The following PCDHGA12 variants were observed in gnomAD, a reference collection of about 807,000 sequenced individuals.
PCDHGA12 encodes protocadherin gamma subfamily A, 12, also known as protocadherin gamma-A12.
A neutral mutation model predicts 61.1 loss-of-function variants in PCDHGA12; 43 were observed. The observed-to-expected ratio is 0.70, with a 90% CI of 0.55 to 0.91. PCDHGA12 has a LOEUF of 0.91. Among genes scored for constraint, PCDHGA12 ranks in the 40% least tolerant of loss-of-function variants. The probability of loss-of-function intolerance (pLI) is 0.00; values close to 1 mark genes in which losing one functional copy is unlikely to be tolerated. For missense variants in PCDHGA12, 1,236 were observed against 1,227.7 expected (o/e 1.01, Z -0.10); for synonymous variants, 520 against 542.9 (o/e 0.96, Z 0.59).
intron 1 of PCDHGA12, chr5:141,478,597 C>T: frequency 6.4e-7 from 1 of 1,567,010 alleles, no homozygotes; most frequent in Non-Finnish European, 8.7e-7. Flanking sequence ...TTTATTCCTA[C>T]ATCATATTGA....
intron 1 of PCDHGA12, among the ~76,000 whole-genome samples, chr5:141,461,536 T>C (rs1424913303): frequency 1.3e-5 from 2 of 152,240 alleles, no homozygotes; most frequent in Non-Finnish European, 2.9e-5. Context: ...TTCTGGATAC[T>C]AGTCCTTTGT....
intron 1 of PCDHGA12, among the ~76,000 whole-genome samples, chr5:141,473,785 A>G (rs1240342191): frequency 6.6e-6 from 1 of 152,226 alleles, no homozygotes; most frequent in Non-Finnish European, 1.5e-5. Context: ...TTAATTCAAG[A>G]GCAGTATGAT....
At position 141,511,238 on chromosome 5, in the gene PCDHGA12, G is replaced by A; in HGVS notation, c.*65G>A. ...CAACCAGCCCAGCTTCTCCTTACCT[G>A]CACCCAGGCCTCAGAGTTTCAGGGC... On this transcript the variant is annotated 3_prime_UTR_variant, in exon 4 of 4. Coordinates refer to ENST00000252085, the MANE Select transcript of PCDHGA12 (RefSeq NM_003735.3). 6.3e-7 allele frequency: 1 copy of A among 1,589,142 alleles called. No homozygotes were observed. The highest frequency in any genetic ancestry group is 2.3e-5 in the East Asian group (1 of 43,302).
intron 1 of PCDHGA12, among the ~76,000 whole-genome samples, chr5:141,460,801 ATATGTATG>A (rs2098998171): frequency 6.6e-6 from 1 of 152,010 alleles, no homozygotes; most frequent in Non-Finnish European, 1.5e-5. Context: ...CAAAGTATAT[ATATGTATG>A]TATACATATA....
At position 141,491,121 on chromosome 5, in the gene PCDHGA12, G is replaced by T. The variant is rs1176877834; in HGVS notation, c.2425-3686G>T. On this transcript the variant is annotated intron_variant, in intron 1 of 3. Transcript: ENST00000252085. The surrounding 1 kb of genome is among the most constrained non-coding windows in gnomAD (Gnocchi z 6.9). ...TCCTCGTGTCTACACACACTGGTGA[G>T]GTGCGCACAGCCCGGGCCTTACTGG... 5 of 1,614,200 alleles carry T rather than the reference G, an allele frequency of 3.1e-6. No individual in the cohort carries two copies. In the South Asian group the frequency reaches 5.5e-5, roughly 18 times the overall value.
chr5:141,470,871 T>C (rs1036871133), intron 1 of PCDHGA12, among the ~76,000 whole-genome samples: 1 of 151,822 alleles, frequency 6.6e-6, no homozygotes, highest in Admixed American at 6.6e-5. Flanking sequence ...TGTTTGTTTG[T>C]TTTTTTGTTT....
chr5:141,441,280 G>A (rs2098237221), intron 1 of PCDHGA12: 1 of 152,090 alleles, frequency 6.6e-6, no homozygotes, highest in East Asian at 1.9e-4. Flanking sequence ...GGGAGAAAAC[G>A]AGGTCACATG....
At chr5:141,473,974 C>A (rs958240236) in intron 1 of PCDHGA12, among the ~76,000 whole-genome samples, 1 of 152,054 alleles carries the variant, frequency 6.6e-6, no homozygotes, top group Non-Finnish European at 1.5e-5. Flanking sequence ...AAGTCTGAGG[C>A]GGGAGGATCC....
chr5:141,501,419 C>A (rs910783867), intron 2 of PCDHGA12, among the ~76,000 whole-genome samples: 1 of 151,920 alleles, frequency 6.6e-6, no homozygotes, highest in Non-Finnish European at 1.5e-5. Flanking sequence ...AAATAGTTGA[C>A]TAAATGTAGT....
At position 141,435,341 on chromosome 5, in the gene PCDHGA12, C is replaced by T. The variant is rs73794903; in HGVS notation, c.2424+2158C>T. 9.3e-3 allele frequency among the ~76,000 whole-genome samples: 1,412 copies of T among 152,206 alleles called. 25 individuals carry two copies. Among genetic ancestry groups the T allele is most frequent in the African/African-American group, 0.032 (1,313 of 41,532 alleles). On this transcript the variant is annotated intron_variant, in intron 1 of 3. Coordinates refer to ENST00000252085, the MANE Select transcript of PCDHGA12 (RefSeq NM_003735.3). ...ACTTCCAAATATAGTGAATTTATTT[C>T]TTCTGCATTTAAAATTTTATCACTT...
rs756466649 is a variant in PCDHGA12, at chr5:141,495,663, G to A, written c.2483+798G>A. 1.1e-3 allele frequency among the ~76,000 whole-genome samples: 169 copies of A among 152,164 alleles called. 3 individuals are homozygous for A. The highest frequency in any genetic ancestry group is 1.9e-3 in the Admixed American group (29 of 15,272). ...TTGTCTACTTGCATTGATCTGTGCCGCCCACTGTGCCTGCCATGGCATAAG... is the reference window on the plus strand; with the variant it reads ...TTGTCTACTTGCATTGATCTGTGCCACCCACTGTGCCTGCCATGGCATAAG... On this transcript the variant is annotated intron_variant, in intron 2 of 3. Coordinates refer to ENST00000252085, the MANE Select transcript of PCDHGA12 (RefSeq NM_003735.3).
At chr5:141,461,170 G>T (rs1347666737) in intron 1 of PCDHGA12, among the ~76,000 whole-genome samples, 1 of 152,052 alleles carries the variant, frequency 6.6e-6, no homozygotes. Context: ...GGGATTGCTG[G>T]ATTGAATGGT....
chr5:141,470,379 A>G (rs1210709847), intron 1 of PCDHGA12, among the ~76,000 whole-genome samples: 1 of 152,086 alleles, frequency 6.6e-6, no homozygotes, highest in East Asian at 1.9e-4. Flanking sequence ...TGGAAAGACT[A>G]CTCGATGATA....
chr5:141,456,321 G>A (rs2098849819), intron 1 of PCDHGA12, among the ~76,000 whole-genome samples: 1 of 152,154 alleles, frequency 6.6e-6, no homozygotes, highest in African/African-American at 2.4e-5. Context: ...GGCTCCTCCT[G>A]GGGTTGATCT....
In PCDHGA12 at chr5:141,432,931, G is replaced by A. The variant is rs2097550450; in HGVS notation, c.2172G>A (p.Leu724=). The A allele has an allele frequency of 6.2e-7, 1 of 1,614,198 alleles. No individual in the cohort carries two copies. The highest frequency in any genetic ancestry group is 2.2e-5 in the East Asian group (1 of 44,864). Reference sequence around the variant, plus strand: ...TGCGGCGCTGGCACAAGTCACGCCTGCTGCAGGCTTCAGGAGGCGGCTTGA... The same window carrying A: ...TGCGGCGCTGGCACAAGTCACGCCTACTGCAGGCTTCAGGAGGCGGCTTGA... ...LRLRRWHKSR[L]LQASGGGLTG... is the part of the protein sequence containing the mutation. The change falls in exon 1 of 4, where the codon CTG becomes CTA. Residue 724 remains leucine, a synonymous_variant. Transcript: ENST00000252085. The surrounding 1 kb of genome is among the most constrained non-coding windows in gnomAD (Gnocchi z 6.0).
At chr5:141,466,515 TTTTCCTCCCAAATTGA>T (rs2099124043) in intron 1 of PCDHGA12, among the ~76,000 whole-genome samples, 1 of 152,232 alleles carries the variant, frequency 6.6e-6, no homozygotes, top group Admixed American at 6.5e-5. Context: ...AGATCATTTT[TTTTCCTCCCAAATTGA>T]TGTAGATGGT....
rs2099883782 is a variant in PCDHGA12 at position 141,511,420 on chromosome 5, G to C, written c.*247G>C. The C allele has an allele frequency of 1.2e-6, 1 of 830,744 alleles. No homozygotes were observed. The allele number at this position is 830,744 out of a possible 1,614,324, so 51.5% of individuals were successfully genotyped here. On this transcript the variant is annotated 3_prime_UTR_variant, in exon 4 of 4. Transcript: ENST00000252085. ...TCCAATCAACTGCTGTACCCATGGG[G>C]GTAGTGGGGTTACTGTAGACACCAA...
In PCDHGA12 at chr5:141,489,261, A is replaced by C; in HGVS notation, c.2425-5546A>C. 6.4e-7 allele frequency: 1 copy of C among 1,551,956 alleles called. No individual in the cohort carries two copies. Among genetic ancestry groups the C allele is most frequent in the East Asian group, 2.2e-5 (1 of 44,450 alleles). Reference sequence around the variant, plus strand: ...GGGTCATGGGGCCCAAGACACTCCCACAGCTCGCTGGGAAATGGCAAGTGC... The same window carrying C: ...GGGTCATGGGGCCCAAGACACTCCCCCAGCTCGCTGGGAAATGGCAAGTGC... On this transcript the variant is annotated intron_variant, in intron 1 of 3. Coordinates refer to ENST00000252085, the MANE Select transcript of PCDHGA12 (RefSeq NM_003735.3). The surrounding 1 kb of genome is among the most constrained non-coding windows in gnomAD (Gnocchi z 4.5).
intron 1 of PCDHGA12, chr5:141,441,746 C>T: frequency 2.7e-6 from 1 of 371,314 alleles, no homozygotes; most frequent in East Asian, 9.8e-5. Flanking sequence ...TCGCGCTCGG[C>T]GTCAACGTGA....
Sources: allele counts gnomAD v4.1 joint callset (sites outside exome capture counted in the v4.1 genomes callset), GRCh38; gene constraint gnomAD v4.1.1; non-coding constraint Gnocchi (gnomAD v3.1); transcripts MANE v1.5; gene names NCBI Gene and HGNC (gene_info 2026-07-23, HGNC 2026-07-21).